SIMC1: variants seen among roughly 807,000 people sequenced by gnomAD.
SIMC1 encodes SUMO-interacting motif-containing protein 1.
A neutral mutation model predicts 82.3 loss-of-function variants in SIMC1; 55 were observed. The observed-to-expected ratio is 0.67, with a 90% CI of 0.54 to 0.84. The LOEUF (loss-of-function observed/expected upper bound fraction) is 0.84. Ranked by LOEUF, SIMC1 falls within the 40% of genes least tolerant of loss-of-function variation. The pLI is 0.00. For synonymous variants in SIMC1, 353 were observed against 426.3 expected (o/e 0.83, Z 2.12); for missense variants, 915 against 1,107.2 (o/e 0.83, Z 2.46).
intron 1 of SIMC1, among the ~76,000 whole-genome samples, chr5:176,249,324 G>A (rs1242084106): frequency 1.3e-5 from 2 of 152,054 alleles, no homozygotes; most frequent in Non-Finnish European, 2.9e-5. Flanking sequence ...TCCTGGTTTA[G>A]TCTTGGGAGG....
chr5:176,270,819 C>A (rs540039947), intron 1 of SIMC1, among the ~76,000 whole-genome samples: 139 of 152,314 alleles, frequency 9.1e-4, no homozygotes, highest in African/African-American at 3.1e-3. Context: ...TCCTAGCAGT[C>A]GGAACTTGAG....
chr5:176,330,285 C>T (rs192893671), intron 7 of SIMC1, among the ~76,000 whole-genome samples: 70 of 152,026 alleles, frequency 4.6e-4, no homozygotes, highest in African/African-American at 1.6e-3. Context: ...CCTGTTATCT[C>T]AGCTACTTGG....
Position 176,296,251 on chromosome 5 carries a change from G to T in SIMC1, c.1665G>T (p.Gln555His). The T allele has an allele frequency of 6.2e-7, 1 of 1,612,386 alleles. No individual in the cohort carries two copies. The highest frequency in any genetic ancestry group is 8.5e-7 in the Non-Finnish European group (1 of 1,178,820). ...CTAATTGATTTCACTTGACTTTCAG[G>T]CTACATCCAGCCAATGCCAAGACAG... ...EAYMLLMKIQ[Q>H]LHPANAKTVE... The change falls in exon 4 of 10, where the codon CAG (glutamine) becomes CAT (histidine). Residue 555 changes from glutamine to histidine, a missense_variant and splice_region_variant. Coordinates refer to ENST00000429602, the MANE Select transcript of SIMC1 (RefSeq NM_001308195.2).
intron 1 of SIMC1, chr5:176,263,374 C>G (rs1346553214): frequency 2.0e-6 from 3 of 1,467,186 alleles, no homozygotes; most frequent in Non-Finnish European, 9.1e-7. Flanking sequence ...GAGGCTGAGT[C>G]ATTTATAAAG....
chr5:176,279,964 G>C (rs1762910969), intron 1 of SIMC1, among the ~76,000 whole-genome samples: 1 of 152,102 alleles, frequency 6.6e-6, no homozygotes, highest in African/African-American at 2.4e-5. Flanking sequence ...ATTTGGGGTG[G>C]AGAGTTCTGT....
At chr5:176,279,862 T>C (rs1762900514) in intron 1 of SIMC1, among the ~76,000 whole-genome samples, 1 of 152,198 alleles carries the variant, frequency 6.6e-6, no homozygotes, top group South Asian at 2.1e-4. Context: ...TCTCTGTTCT[T>C]TTACATTTTC....
chr5:176,271,296 G>T (rs1462043278), intron 1 of SIMC1, among the ~76,000 whole-genome samples: 1 of 152,192 alleles, frequency 6.6e-6, no homozygotes, highest in Non-Finnish European at 1.5e-5. Context: ...GGAGGCGGAA[G>T]TTGCAGTGAG....
At chr5:176,302,397 A>G (rs1437209250) in intron 4 of SIMC1, among the ~76,000 whole-genome samples, 1 of 152,236 alleles carries the variant, frequency 6.6e-6, no homozygotes, top group Non-Finnish European at 1.5e-5. Flanking sequence ...CAAACTAGAA[A>G]TAAAAGAAAA....
At chr5:176,317,935 A>T (rs1736929429) in intron 5 of SIMC1, among the ~76,000 whole-genome samples, 1 of 152,218 alleles carries the variant, frequency 6.6e-6, no homozygotes, top group Admixed American at 6.5e-5. Context: ...AAATGAAAGC[A>T]CACTCCACAG....
chr5:176,272,829 G>A (rs550207888), intron 1 of SIMC1, among the ~76,000 whole-genome samples: 6 of 152,288 alleles, frequency 3.9e-5, no homozygotes, highest in South Asian at 4.1e-4. Flanking sequence ...ATGGAGCCTC[G>A]TTCATTGCTA....
intron 4 of SIMC1, among the ~76,000 whole-genome samples, chr5:176,305,148 T>A (rs984018360): frequency 4.9e-5 from 1 of 20,560 alleles, no homozygotes; most frequent in Admixed American, 5.1e-4. Context: ...GGGGGGGGGG[T>A]CAGCCCCCCG....
At chr5:176,280,700 C>A (rs527670209) in intron 1 of SIMC1, among the ~76,000 whole-genome samples, 9 of 152,034 alleles carry the variant, frequency 5.9e-5, no homozygotes, top group South Asian at 4.2e-4. Flanking sequence ...TATGAAGCTT[C>A]GTTTGGCTGG....
At chr5:176,301,778 C>CAAA (rs528674679) in intron 4 of SIMC1, among the ~76,000 whole-genome samples, 8 of 98,490 alleles carry the variant, frequency 8.1e-5, no homozygotes, top group Admixed American at 3.1e-4. Context: ...GACTCTGTCT[C>CAAA]AAAAAAAAAA....
intron 1 of SIMC1, among the ~76,000 whole-genome samples, chr5:176,271,023 C>T (rs1282248535): frequency 6.6e-6 from 1 of 152,086 alleles, no homozygotes; most frequent in Non-Finnish European, 1.5e-5. Flanking sequence ...TTATGTCACC[C>T]CTTCCCCAAC....
rs1764383396 is a variant in SIMC1, at chr5:176,306,336, G to A, written c.1735-7355G>A. Among the ~76,000 whole-genome samples, 2 of 141,042 alleles carry A rather than the reference G, an allele frequency of 1.4e-5. 1 individual carries two copies. Among genetic ancestry groups the A allele is most frequent in the South Asian group, 4.6e-4 (2 of 4,344 alleles). The allele number at this position is 141,042 out of a possible 152,430, so 92.5% of individuals were successfully genotyped here. On this transcript the variant is annotated intron_variant, in intron 4 of 9. Coordinates refer to ENST00000429602, the MANE Select transcript of SIMC1 (RefSeq NM_001308195.2). ...GCCAGCCGCCCCATCCGGGAGGTGAGGGGCACCTCTGCCCAGCCGCCCCTA... is the reference window on the plus strand; with the variant it reads ...GCCAGCCGCCCCATCCGGGAGGTGAAGGGCACCTCTGCCCAGCCGCCCCTA...
At chr5:176,273,399 A>G (rs1762534015) in intron 1 of SIMC1, among the ~76,000 whole-genome samples, 1 of 152,206 alleles carries the variant, frequency 6.6e-6, no homozygotes, top group Non-Finnish European at 1.5e-5. Flanking sequence ...ACTAACAAAC[A>G]GAAAGGACAT....
Position 176,277,724 on chromosome 5 carries a change from G to T in SIMC1, c.130-11930G>T, listed in dbSNP as rs186117828. 5.3e-3 allele frequency among the ~76,000 whole-genome samples: 811 copies of T among 152,076 alleles called. 24 individuals are homozygous for T. Among genetic ancestry groups the T allele is most frequent in the African/African-American group, 0.018 (748 of 41,394 alleles). ...CTAGGGAATCCTTTCCCCATTGCTTGTTTTTCTCAGGTTTGTCAAAGATCA... is the reference window on the plus strand; with the variant it reads ...CTAGGGAATCCTTTCCCCATTGCTTTTTTTTCTCAGGTTTGTCAAAGATCA... On this transcript the variant is annotated intron_variant, in intron 1 of 9. Coordinates refer to ENST00000429602, the MANE Select transcript of SIMC1 (RefSeq NM_001308195.2).
At position 176,345,466 on chromosome 5, in the gene SIMC1, G is replaced by C. The variant is rs991483343; in HGVS notation, c.*21G>C. On this transcript the variant is annotated 3_prime_UTR_variant, in exon 10 of 10. Coordinates refer to ENST00000429602, the MANE Select transcript of SIMC1 (RefSeq NM_001308195.2). ...CCTGAGGGCCTGCCAAGCACTGAAT[G>C]CCAAGAATACCTCCTGAACTCTCTC... is the stretch of plus-strand genomic sequence containing the variant. 12 of 1,599,182 alleles carry C rather than the reference G, an allele frequency of 7.5e-6. No individual in the cohort carries two copies. In the African/African-American group the frequency reaches 1.5e-4, roughly 20 times the overall value.
intron 1 of SIMC1, among the ~76,000 whole-genome samples, chr5:176,252,595 A>T (rs1761711665): frequency 6.7e-6 from 1 of 150,160 alleles, no homozygotes; most frequent in Admixed American, 6.6e-5. Flanking sequence ...AGCCGGGAAG[A>T]GGCGCTCCTC....
Sources: gnomAD v4.1 joint callset for allele counts (sites outside exome capture counted in the v4.1 genomes callset) on GRCh38, gnomAD v4.1.1 for gene constraint, MANE v1.5 for transcripts, NCBI Gene and HGNC (gene_info 2026-07-23, HGNC 2026-07-21) for gene names.